Variants in OAS2 observed in about 807,000 individuals in gnomAD.
OAS2 encodes 2'-5'-oligoadenylate synthase 2.
A neutral mutation model predicts 71.3 loss-of-function variants in OAS2; 67 were observed. That is an observed-to-expected ratio of 0.94 (90% CI 0.77 to 1.15). The LOEUF (loss-of-function observed/expected upper bound fraction) is 1.15, where lower values mean the gene tolerates loss of function less well. Ranked by LOEUF, OAS2 falls within the 50% of genes most tolerant of loss-of-function variation. The probability of loss-of-function intolerance (pLI) is 0.00; values close to 1 mark genes in which losing one functional copy is unlikely to be tolerated. For missense variants in OAS2, 789 were observed against 822.5 expected, an observed-to-expected ratio of 0.96 and a Z score of 0.50; for synonymous variants, 327 against 321.8, an observed-to-expected ratio of 1.02 and a Z score of -0.17.
At chr12:112,988,267 G>C (rs1039198309) in intron 2 of OAS2, 1 of 966,376 alleles carries the variant, frequency 1.0e-6, no homozygotes, top group African/African-American at 1.8e-5. Context: ...ATTTAATGGA[G>C]TTTAACTGAG....
Position 113,009,870 on chromosome 12 carries a change from A to G in OAS2, c.*615A>G. Reference sequence around the variant, plus strand: ...CTCTCCAAAGCCCTCCCTACCTACCAAGATATACCTGATATATTCCACCAG... The same window carrying G: ...CTCTCCAAAGCCCTCCCTACCTACCGAGATATACCTGATATATTCCACCAG... On this transcript the variant is annotated 3_prime_UTR_variant, in exon 10 of 10. Coordinates refer to ENST00000392583, the MANE Select transcript of OAS2 (RefSeq NM_002535.3). 5.1e-6 allele frequency: 5 copies of G among 986,598 alleles called. No individual in the cohort carries two copies. The highest frequency in any genetic ancestry group is 6.0e-6 in the Non-Finnish European group (5 of 830,894). 61.1% of individuals were successfully genotyped at this position (986,598 alleles called of 1,614,324 possible). A position where few individuals can be genotyped will look rare whatever the true frequency, so the allele number is the denominator to read the frequency against.
At chr12:113,000,451 C>T (rs141520100) in intron 5 of OAS2, among the ~76,000 whole-genome samples, 3 of 152,090 alleles carry the variant, frequency 2.0e-5, no homozygotes, top group African/African-American at 4.8e-5. Flanking sequence ...CTGCATAAGG[C>T]GGTCCAAACA....
At chr12:113,004,020 T>G (rs1253998920) in intron 6 of OAS2, among the ~76,000 whole-genome samples, 1 of 152,052 alleles carries the variant, frequency 6.6e-6, no homozygotes, top group Non-Finnish European at 1.5e-5. Flanking sequence ...TGATAGTCAG[T>G]GAAAAATAAA....
At chr12:112,993,713 C>CA (rs918430127) in intron 2 of OAS2, among the ~76,000 whole-genome samples, 97 of 148,880 alleles carry the variant, frequency 6.5e-4, no homozygotes, top group Admixed American at 6.0e-4. Flanking sequence ...TTTTTTTCTC[C>CA]AAAAAAAAAG....
chr12:112,994,578 C>T (rs182442637), intron 2 of OAS2, among the ~76,000 whole-genome samples: 86 of 152,190 alleles, frequency 5.7e-4, no homozygotes, highest in African/African-American at 1.9e-3. Flanking sequence ...CCTGCCACCA[C>T]GCCCAGCTAA....
chr12:112,982,842 C>G (rs1010402162), intron 1 of OAS2, among the ~76,000 whole-genome samples: 2 of 152,148 alleles, frequency 1.3e-5, no homozygotes, highest in Admixed American at 1.3e-4. Context: ...ATTACTGATT[C>G]AATCTACTCA....
chr12:112,992,401 A>T (rs1565992719), intron 2 of OAS2, among the ~76,000 whole-genome samples: 1 of 151,758 alleles, frequency 6.6e-6, no homozygotes, highest in Non-Finnish European at 1.5e-5. Context: ...AAGAAAAAAA[A>T]AAAAGAAAGA....
Position 113,005,141 on chromosome 12 carries a change from A to T in OAS2, c.1387A>T (p.Arg463Trp). The change falls in exon 7 of 10, where the codon AGG becomes TGG. Residue 463 changes from arginine to tryptophan, a missense_variant. By Grantham distance (101) the Arg-to-Trp change is moderately radical (BLOSUM62 -3). Coordinates refer to ENST00000392583, the MANE Select transcript of OAS2 (RefSeq NM_002535.3). ...TGAGCCTCCCAAGTGGAAGGCTCCC[A>T]GGGTGCTGAGCTTCTCTCTGAAATC... ...SFEPPKWKAP[R>W]VLSFSLKSKV... The T allele has an allele frequency of 6.2e-7, 1 of 1,614,184 alleles. No individual in the cohort carries two copies. The highest frequency in any genetic ancestry group is 8.5e-7 in the Non-Finnish European group (1 of 1,180,016).
chr12:112,984,008 T>C (rs1395839983), intron 1 of OAS2, among the ~76,000 whole-genome samples: 1 of 152,236 alleles, frequency 6.6e-6, no homozygotes, highest in East Asian at 1.9e-4. Context: ...CTTTGCTGAA[T>C]AAATAATCTG....
Position 112,978,535 on chromosome 12 carries a change from C to T in OAS2, c.-74C>T. On this transcript the variant is annotated 5_prime_UTR_variant, in exon 1 of 10. Transcript: ENST00000392583. The surrounding 1 kb of genome is among the most constrained non-coding windows in gnomAD (Gnocchi z 4.2). ...CTAGACTTCAGTTTCAGTTTCCTGG[C>T]TCTGGGCAGCAGCAAGAATTCCTCT... The T allele has an allele frequency of 2.0e-6, 3 of 1,534,612 alleles. No homozygotes were observed. Among genetic ancestry groups the T allele is most frequent in the South Asian group, 1.1e-5 (1 of 88,450 alleles).
At chr12:113,008,030 C>T (rs1660953516) in intron 9 of OAS2, 87 bp downstream of exon 9, 11 of 926,588 alleles carry the variant, frequency 1.2e-5, no homozygotes, top group Middle Eastern at 2.2e-4. Context: ...GCTGGGGTCA[C>T]GATTCATTCC....
At chr12:112,986,282 G>T (rs1469381398) in intron 1 of OAS2, among the ~76,000 whole-genome samples, 4 of 152,222 alleles carry the variant, frequency 2.6e-5, no homozygotes, top group Admixed American at 2.6e-4. Context: ...GGGTGTCAAT[G>T]CTGGTGTGTC....
At chr12:112,987,349 C>G (rs1293767) in intron 2 of OAS2, 41 bp downstream of exon 2, 1,149,871 of 1,610,684 alleles carry the variant, frequency 0.71, 415,845 homozygotes, top group African/African-American at 0.95. Context: ...GCCAAAGAAG[C>G]GGGTGCCAGA....
intron 5 of OAS2, among the ~76,000 whole-genome samples, chr12:113,001,427 C>A (rs1189141681): frequency 6.9e-6 from 1 of 145,682 alleles, no homozygotes; most frequent in Admixed American, 6.9e-5. Context: ...CACATATATG[C>A]ACATATATAT....
chr12:112,982,755 A>G (rs1290684107), intron 1 of OAS2, among the ~76,000 whole-genome samples: 1 of 152,100 alleles, frequency 6.6e-6, no homozygotes, highest in Non-Finnish European at 1.5e-5. Context: ...ATTGGTGTTA[A>G]TTCTTCTTTA....
intron 4 of OAS2, 149 bp from the exon 5 acceptor site, chr12:112,998,117 T>C (rs2044252352): frequency 3.8e-6 from 3 of 798,078 alleles, no homozygotes; most frequent in South Asian, 1.8e-5. Flanking sequence ...GGGCTTGATG[T>C]CGTAGACAAA....
Position 112,998,346 on chromosome 12 carries a change from C to G in OAS2, c.944C>G (p.Ala315Gly). The change falls in exon 5 of 10, where the codon GCT becomes GGT. Residue 315 changes from alanine (A) to glycine (G), a missense_variant. Ala to Gly is a moderately conservative substitution (Grantham distance 60, BLOSUM62 0). Coordinates refer to ENST00000392583, the MANE Select transcript of OAS2 (RefSeq NM_002535.3). ...TGCTGGCAATGGCTGAAAAAAGAAG[C>G]TCAAACCTGGTTGACTTCTCCCAAC... ...KICWQWLKKE[A>G]QTWLTSPNLD... is the part of the protein sequence containing the mutation. The G allele has an allele frequency of 1.2e-6, 2 of 1,610,100 alleles. No homozygotes were observed. Among genetic ancestry groups the G allele is most frequent in the Non-Finnish European group, 1.7e-6 (2 of 1,179,130 alleles).
chr12:113,004,169 A>G (rs2044311162), intron 6 of OAS2, among the ~76,000 whole-genome samples: 1 of 152,206 alleles, frequency 6.6e-6, no homozygotes, highest in African/African-American at 2.4e-5. Context: ...AAGGGGCTAC[A>G]GTCTGAGAGG....
intron 1 of OAS2, among the ~76,000 whole-genome samples, chr12:112,986,193 G>C (rs2044133075): frequency 6.6e-6 from 1 of 152,186 alleles, no homozygotes; most frequent in African/African-American, 2.4e-5. Context: ...AGGGACATCA[G>C]GCAGGTTGGT....
Sources: allele counts gnomAD v4.1 joint callset (sites outside exome capture counted in the v4.1 genomes callset), GRCh38; gene constraint gnomAD v4.1.1; non-coding constraint Gnocchi (gnomAD v3.1); transcripts MANE v1.5; gene names NCBI Gene and HGNC (gene_info 2026-07-23, HGNC 2026-07-21).